The following PPM1E variants were observed in gnomAD, a reference collection of about 807,000 sequenced individuals.
The protein encoded by PPM1E is protein phosphatase, Mg2+/Mn2+ dependent 1E.
In PPM1E, 20 loss-of-function variants were observed where a neutral mutation model predicts 65.9. The observed-to-expected ratio is 0.30, with a 90% confidence interval of 0.21 to 0.44. The LOEUF is 0.44. Among genes scored for constraint, PPM1E ranks in the 20% least tolerant of loss-of-function variants. PPM1E has a pLI of 1.00. For synonymous variants in PPM1E, 352 were observed against 374.9 expected (o/e 0.94, Z 0.70); for missense variants, 713 against 953.1 (o/e 0.75, Z 3.32).
intron 1 of PPM1E, among the ~76,000 whole-genome samples, chr17:58,955,324 C>T (rs1862926798): frequency 6.6e-6 from 1 of 152,192 alleles, no homozygotes; most frequent in Non-Finnish European, 1.5e-5. Flanking sequence ...CAAATCACGC[C>T]ATTGCACTCC....
chr17:58,856,261 T>C (rs12940681), intron 1 of PPM1E, among the ~76,000 whole-genome samples: 96,296 of 151,810 alleles, frequency 0.63, 30,887 homozygotes, highest in African/African-American at 0.7. Context: ...TTTTTTGAGA[T>C]GGAGTTTTGC....
intron 1 of PPM1E, among the ~76,000 whole-genome samples, chr17:58,917,265 C>T (rs1397504609): frequency 6.6e-6 from 1 of 150,838 alleles, no homozygotes; most frequent in African/African-American, 2.4e-5. Flanking sequence ...AAAAGATACA[C>T]ATAATGTATT....
chr17:58,829,535 C>G (rs1004308990), intron 1 of PPM1E, among the ~76,000 whole-genome samples: 1 of 152,134 alleles, frequency 6.6e-6, no homozygotes, highest in Non-Finnish European at 1.5e-5. Flanking sequence ...CATCTTGGAA[C>G]TTTGCATCTG....
intron 1 of PPM1E, among the ~76,000 whole-genome samples, chr17:58,883,597 C>G (rs890289473): frequency 6.7e-6 from 1 of 150,328 alleles, no homozygotes; most frequent in African/African-American, 2.5e-5. Flanking sequence ...CATTCTCCTG[C>G]CTCAGCCTCC....
chr17:58,813,193 A>G (rs2050386232), intron 1 of PPM1E, among the ~76,000 whole-genome samples: 2 of 152,098 alleles, frequency 1.3e-5, no homozygotes, highest in Admixed American at 6.6e-5. Context: ...ACTTTTATGT[A>G]TCTCTATCCT....
rs145316122 is a variant in PPM1E at position 58,904,043 on chromosome 17, A to G, written c.465-51606A>G. Among the ~76,000 whole-genome samples the G allele has an allele frequency of 1.2e-3, 185 of 152,308 alleles. 1 individual carries two copies. Among genetic ancestry groups the G allele is most frequent in the Non-Finnish European group, 2.0e-3 (133 of 68,010 alleles). On this transcript the variant is annotated intron_variant, in intron 1 of 6. Transcript: ENST00000308249. Reference sequence around the variant, plus strand: ...GAGCCAGAAATTATTATTGAGATCTATACTATTCTGAAAGCTGAGATAGAG... The same window carrying G: ...GAGCCAGAAATTATTATTGAGATCTGTACTATTCTGAAAGCTGAGATAGAG...
At chr17:58,782,024 A>G (rs187487143) in intron 1 of PPM1E, among the ~76,000 whole-genome samples, 18 of 152,342 alleles carry the variant, frequency 1.2e-4, no homozygotes, top group Admixed American at 7.2e-4. Flanking sequence ...TAAATATAGA[A>G]CAGATAAAGG....
rs150639645 is a variant in PPM1E, at chr17:58,813,502, G to A, written c.464+57041G>A. Reference sequence around the variant, plus strand: ...GAAAACAGATAAAGGAGGTTGTACTGTAATTAGCTAATTCTGTAATTCTTG... The same window carrying A: ...GAAAACAGATAAAGGAGGTTGTACTATAATTAGCTAATTCTGTAATTCTTG... On this transcript the variant is annotated intron_variant, in intron 1 of 6. Transcript: ENST00000308249. 9.9e-5 allele frequency among the ~76,000 whole-genome samples: 15 copies of A among 152,256 alleles called. No individual in the cohort carries two copies. The East Asian group carries it at 2.9e-3, about 29-fold the overall frequency.
intron 1 of PPM1E, among the ~76,000 whole-genome samples, chr17:58,797,516 G>A (rs147276827): frequency 8.5e-5 from 13 of 152,270 alleles, no homozygotes; most frequent in Middle Eastern, 3.4e-3. Context: ...CATGTTTTTT[G>A]AGATTCATTC....
At chr17:58,762,549 T>A (rs2049831418) in intron 1 of PPM1E, among the ~76,000 whole-genome samples, 2 of 152,296 alleles carry the variant, frequency 1.3e-5, no homozygotes, top group African/African-American at 4.8e-5. Context: ...TAAGAGCTTA[T>A]AGTTCTCTCA....
At position 58,854,154 on chromosome 17, in the gene PPM1E, C is replaced by A. The variant is rs538287411; in HGVS notation, c.464+97693C>A. On this transcript the variant is annotated intron_variant, in intron 1 of 6. Coordinates refer to ENST00000308249, the MANE Select transcript of PPM1E (RefSeq NM_014906.5). Reference sequence around the variant, plus strand: ...TTGGTTCATACCTAAGTATTTTATTCTTTTTGGTGCTACTATAAATAGAAT... The same window carrying A: ...TTGGTTCATACCTAAGTATTTTATTATTTTTGGTGCTACTATAAATAGAAT... 3.6e-4 allele frequency among the ~76,000 whole-genome samples: 54 copies of A among 152,002 alleles called. 1 individual carries two copies. The South Asian group carries it at 1.0e-2, about 28-fold the overall frequency.
chr17:58,812,177 G>A (rs553114909), intron 1 of PPM1E, among the ~76,000 whole-genome samples: 6 of 151,212 alleles, frequency 4.0e-5, no homozygotes, highest in Admixed American at 2.0e-4. Context: ...GGTGGCAGGC[G>A]CCTGTAGTCC....
chr17:58,777,388 A>G (rs928690979), intron 1 of PPM1E, among the ~76,000 whole-genome samples: 2 of 152,184 alleles, frequency 1.3e-5, no homozygotes, highest in African/African-American at 4.8e-5. Context: ...GTAATTTTAT[A>G]TTTTACAGGA....
intron 1 of PPM1E, among the ~76,000 whole-genome samples, chr17:58,809,205 C>G (rs1254223013): frequency 2.0e-5 from 3 of 152,016 alleles, no homozygotes; most frequent in Non-Finnish European, 2.9e-5. Flanking sequence ...CCTGCTTCAG[C>G]TTCCTGAGTA....
chr17:58,846,259 A>T (rs574447790), intron 1 of PPM1E, among the ~76,000 whole-genome samples: 1 of 152,152 alleles, frequency 6.6e-6, no homozygotes, highest in African/African-American at 2.4e-5. Flanking sequence ...GTACTATTTT[A>T]CATTTTCTTT....
At chr17:58,882,668 G>C (rs1391760256) in intron 1 of PPM1E, among the ~76,000 whole-genome samples, 3 of 152,110 alleles carry the variant, frequency 2.0e-5, no homozygotes, top group Admixed American at 1.3e-4. Context: ...TGGGATTACA[G>C]GTGTGAGCCA....
At chr17:58,966,119 G>A in intron 3 of PPM1E, 1 of 563,284 alleles carries the variant, frequency 1.8e-6, no homozygotes, top group Non-Finnish European at 3.2e-6. Flanking sequence ...AAATAAAAAT[G>A]TCTCTTATCC....
intron 1 of PPM1E, among the ~76,000 whole-genome samples, chr17:58,911,150 T>C (rs1042457986): frequency 9.9e-5 from 15 of 152,214 alleles, no homozygotes; most frequent in African/African-American, 3.4e-4. Context: ...GGGTATGTTT[T>C]ATAATTCTCT....
At chr17:58,926,281 G>T (rs958937662) in intron 1 of PPM1E, among the ~76,000 whole-genome samples, 20 of 151,406 alleles carry the variant, frequency 1.3e-4, no homozygotes, top group African/African-American at 4.9e-4. Flanking sequence ...GCAGTAAGCC[G>T]AGGTTGCACC....
Sources: allele counts gnomAD v4.1 joint callset (sites outside exome capture counted in the v4.1 genomes callset), GRCh38; gene constraint gnomAD v4.1.1; transcripts MANE v1.5; gene names NCBI Gene and HGNC (gene_info 2026-07-23, HGNC 2026-07-21).